The following ADCY1 variants were observed in gnomAD, a reference collection of about 807,000 sequenced individuals.
ADCY1 encodes adenylate cyclase type 1.
ADCY1 carries 28 observed loss-of-function variants against 105.4 expected under a neutral mutation model. The ratio of observed to expected loss-of-function variants is 0.27; its 90% CI spans 0.20 to 0.36. ADCY1 has a LOEUF of 0.36. Ranked by LOEUF, ADCY1 falls within the 10% of genes least tolerant of loss-of-function variation. The probability of loss-of-function intolerance (pLI) is 1.00; values close to 1 mark genes in which losing one functional copy is unlikely to be tolerated. For missense variants in ADCY1, 977 were observed against 1,434.2 expected (o/e 0.68, Z 5.15); for synonymous variants, 655 against 623.8 (o/e 1.05, Z -0.75).
Position 45,685,975 on chromosome 7 carries a change from CT to C in ADCY1, c.2089del (p.Trp697GlyfsTer45). 6.2e-7 allele frequency: 1 copy of C among 1,612,966 alleles called. No individual in the cohort carries two copies. The highest frequency in any genetic ancestry group is 8.5e-7 in the Non-Finnish European group (1 of 1,179,276). ...CTCCCTTCCCAGGTGGGCTGCCTGC[CT>C]TGGGCCTGGAGCTCCAAGCCCAACA... ...VAQGCVVGCL[P>X]WAWSSKPNSS... On this transcript the variant is annotated frameshift_variant, in exon 13 of 20. Transcript: ENST00000297323. LOFTEE classifies it high-confidence loss of function.
chr7:45,684,984 T>C lies in ADCY1; in HGVS notation c.1989T>C (p.Phe663=). Residue 663 remains phenylalanine (F), a synonymous_variant, in exon 12 of 20, where the codon TTT becomes TTC. Coordinates refer to ENST00000297323, the MANE Select transcript of ADCY1 (RefSeq NM_021116.4). ...AATTAACATTTCTTATTCAGTGTTT[T>C]CCAGGGTGCCTGACGATTCAGATTC... ...LYLHITRVQC[F]PGCLTIQIRT... The C allele has an allele frequency of 6.2e-7, 1 of 1,613,996 alleles. No individual in the cohort carries two copies. The highest frequency in any genetic ancestry group is 1.3e-5 in the African/African-American group (1 of 75,068).
In ADCY1 at chr7:45,686,282, T is replaced by C. The variant is rs536068797; in HGVS notation, c.2327+67T>C. On this transcript the variant is annotated intron_variant, in intron 13 of 19. Coordinates refer to ENST00000297323, the MANE Select transcript of ADCY1 (RefSeq NM_021116.4). The surrounding 1 kb of genome is among the most constrained non-coding windows in gnomAD (Gnocchi z 4.3). ...GCTACTGAATCTGTGTATACAGATA[T>C]GCACTACAGGCTTCTGAGTCCAGAA... 1.4e-5 allele frequency: 21 copies of C among 1,546,186 alleles called. No homozygotes were observed. Among genetic ancestry groups the C allele is most frequent in the Non-Finnish European group, 1.6e-5 (18 of 1,139,672 alleles).
At chr7:45,629,018 C>T (rs941512407) in intron 4 of ADCY1, among the ~76,000 whole-genome samples, 4 of 152,188 alleles carry the variant, frequency 2.6e-5, no homozygotes, top group African/African-American at 4.8e-5. Flanking sequence ...CATATGTACA[C>T]GTGTGAAGCC....
At chr7:45,657,628 A>T in intron 5 of ADCY1, 99 bp from the exon 6 acceptor site, 1 of 1,294,180 alleles carries the variant, frequency 7.7e-7, no homozygotes, top group African/African-American at 1.5e-5. Flanking sequence ...GACAAGACCC[A>T]GTTTCCCTGG....
At chr7:45,636,984 G>C (rs140931979) in intron 4 of ADCY1, among the ~76,000 whole-genome samples, 1 of 152,154 alleles carries the variant, frequency 6.6e-6, no homozygotes. Flanking sequence ...CTTGCCATTC[G>C]CTTTTTGTCT....
chr7:45,636,090 TA>T (rs1794393831), intron 4 of ADCY1, among the ~76,000 whole-genome samples: 1 of 152,222 alleles, frequency 6.6e-6, no homozygotes, highest in African/African-American at 2.4e-5. Flanking sequence ...ATTCTGGTAA[TA>T]TTTTTTGCTT....
intron 1 of ADCY1, among the ~76,000 whole-genome samples, chr7:45,583,489 G>T (rs1792623628): frequency 6.6e-6 from 1 of 152,188 alleles, no homozygotes; most frequent in Non-Finnish European, 1.5e-5. Flanking sequence ...TCTTTTATCA[G>T]AGTACAGTGT....
At chr7:45,695,490 A>G (rs1439123561) in intron 14 of ADCY1, among the ~76,000 whole-genome samples, 3 of 152,218 alleles carry the variant, frequency 2.0e-5, no homozygotes, top group Non-Finnish European at 2.9e-5. Context: ...CCAGAGTGGA[A>G]TGGCATTCTG....
chr7:45,645,443 G>A (rs1251028479), intron 4 of ADCY1, among the ~76,000 whole-genome samples: 2 of 152,240 alleles, frequency 1.3e-5, no homozygotes, highest in East Asian at 3.9e-4. Flanking sequence ...TTGACAGGGT[G>A]GGCTGTTTGG....
chr7:45,626,206 G>A (rs1162852372), intron 4 of ADCY1, among the ~76,000 whole-genome samples: 2 of 152,172 alleles, frequency 1.3e-5, no homozygotes, highest in African/African-American at 2.4e-5. Flanking sequence ...TAAACAAATG[G>A]GTGTGGCTGT....
intron 11 of ADCY1, among the ~76,000 whole-genome samples, chr7:45,684,121 T>G (rs1293994630): frequency 6.6e-6 from 1 of 152,236 alleles, no homozygotes; most frequent in Non-Finnish European, 1.5e-5. Context: ...TCTTCTGAGA[T>G]CAGCAGAGAC....
chr7:45,594,159 G>A (rs941849286), intron 2 of ADCY1, among the ~76,000 whole-genome samples: 2 of 152,130 alleles, frequency 1.3e-5, no homozygotes, highest in African/African-American at 2.4e-5. Context: ...GCGTGGGCAT[G>A]CCTGTATGTC....
At chr7:45,664,094 C>G (rs780026882) in intron 8 of ADCY1, among the ~76,000 whole-genome samples, 16 of 152,158 alleles carry the variant, frequency 1.1e-4, no homozygotes, top group Non-Finnish European at 2.2e-4. Flanking sequence ...CAGGCCTCCC[C>G]TGGGGGCTGG....
At chr7:45,582,637 C>A (rs1217015189) in intron 1 of ADCY1, among the ~76,000 whole-genome samples, 1 of 152,158 alleles carries the variant, frequency 6.6e-6, no homozygotes, top group East Asian at 1.9e-4. Context: ...CCTGTTCTCC[C>A]TCCCAGTGTT....
rs1373273910 is a variant in ADCY1, at chr7:45,714,184, C to A, written c.*189C>A. ...CAACCACCGAGCAGGCACAGCACAG[C>A]AGTGACTCGGTGAGGGGAGGACACC... On this transcript the variant is annotated 3_prime_UTR_variant, in exon 20 of 20. Transcript: ENST00000297323. The A allele has an allele frequency of 1.7e-5, 10 of 592,346 alleles. No homozygotes were observed. Among genetic ancestry groups the A allele is most frequent in the Non-Finnish European group, 3.0e-5 (10 of 332,954 alleles). The allele number at this position is 592,346 out of a possible 1,614,324, so 36.7% of individuals were successfully genotyped here. A position where few individuals can be genotyped will look rare whatever the true frequency, so the allele number is the denominator to read the frequency against.
chr7:45,687,142 C>A (rs1389735636), intron 14 of ADCY1, among the ~76,000 whole-genome samples: 8 of 152,196 alleles, frequency 5.3e-5, no homozygotes, highest in African/African-American at 1.7e-4. Flanking sequence ...TATATTTTTA[C>A]ATGTACCCTG....
rs1423569260 is a variant in ADCY1 at position 45,591,770 on chromosome 7, CA to C, written c.640-988del. On this transcript the variant is annotated intron_variant, in intron 1 of 19. Coordinates refer to ENST00000297323, the MANE Select transcript of ADCY1 (RefSeq NM_021116.4). This position sits in a 1 kb window ranked among gnomAD's most constrained non-coding sequence, Gnocchi z 4.1. ...ATCAGATGAGGAGACCGGCAGCAGG[CA>C]GTGGGGAGTGGGAAGTGATTGTGGA... Among the ~76,000 whole-genome samples the C allele has an allele frequency of 6.6e-6, 1 of 152,206 alleles. No homozygotes were observed. Among genetic ancestry groups the C allele is most frequent in the African/African-American group, 2.4e-5 (1 of 41,460 alleles).
At chr7:45,627,968 C>T (rs548160360) in intron 4 of ADCY1, among the ~76,000 whole-genome samples, 8 of 152,286 alleles carry the variant, frequency 5.3e-5, no homozygotes, top group Admixed American at 1.3e-4. Flanking sequence ...GCGCCCACTT[C>T]GCATATGCAC....
chr7:45,589,151 G>A (rs1792826420), intron 1 of ADCY1, among the ~76,000 whole-genome samples: 2 of 152,290 alleles, frequency 1.3e-5, no homozygotes, highest in African/African-American at 4.8e-5. Flanking sequence ...GAGGACACCT[G>A]GACTCCTGTC....
Sources: gnomAD v4.1 joint callset for allele counts (sites outside exome capture counted in the v4.1 genomes callset) on GRCh38, gnomAD v4.1.1 for gene constraint, Gnocchi (gnomAD v3.1) non-coding constraint, MANE v1.5 for transcripts, NCBI Gene and HGNC (gene_info 2026-07-23, HGNC 2026-07-21) for gene names.